ADAMTS12: variants seen among roughly 807,000 people sequenced by gnomAD.
ADAMTS12 encodes the protein A disintegrin and metalloproteinase with thrombospondin motifs 12.
In ADAMTS12, 118 loss-of-function variants were observed where a neutral mutation model predicts 167.8. The ratio of observed to expected loss-of-function variants is 0.70; its 90% CI spans 0.61 to 0.82. ADAMTS12 has a LOEUF of 0.82. Ranked by LOEUF, ADAMTS12 falls within the 40% of genes least tolerant of loss-of-function variation. ADAMTS12 has a pLI of 0.00. For synonymous variants in ADAMTS12, 704 were observed against 716.9 expected (o/e 0.98, Z 0.29); for missense variants, 1,916 against 1,998.8 (o/e 0.96, Z 0.79).
At chr5:33,772,535 T>C (rs1192812456) in intron 2 of ADAMTS12, among the ~76,000 whole-genome samples, 1 of 152,188 alleles carries the variant, frequency 6.6e-6, no homozygotes, top group East Asian at 1.9e-4. Flanking sequence ...GCAAAAATAA[T>C]TCCAGAATTA....
chr5:33,589,743 T>G (rs949873045), intron 17 of ADAMTS12, among the ~76,000 whole-genome samples: 8 of 152,240 alleles, frequency 5.3e-5, no homozygotes, highest in Admixed American at 2.0e-4. Context: ...CTATTTTTCA[T>G]GGGAAAATAG....
In ADAMTS12 at chr5:33,615,862, G is replaced by A. The variant is rs755141506; in HGVS notation, c.2354C>T (p.Ala785Val). 2 of 1,614,096 alleles carry A rather than the reference G, an allele frequency of 1.2e-6. No homozygotes were observed. Among genetic ancestry groups the A allele is most frequent in the East Asian group, 4.5e-5 (2 of 44,874 alleles). Residue 785 changes from alanine (A) to valine (V), a missense_variant, in exon 15 of 24, where the codon GCC becomes GTC. By Grantham distance (64) the Ala-to-Val change is moderately conservative. Coordinates refer to ENST00000504830, the MANE Select transcript of ADAMTS12 (RefSeq NM_030955.4). ...CACAGACTCATTGGTGGGACCTGTG[G>A]CCATCAGCTTTTCCAGGTCTCCTTT... Reference protein sequence around the residue: ...DRKGDLEKLMATGPTNESVWI... With the variant: ...DRKGDLEKLMVTGPTNESVWI...
At chr5:33,557,839 T>A (rs1007035231) in intron 20 of ADAMTS12, among the ~76,000 whole-genome samples, 4 of 152,134 alleles carry the variant, frequency 2.6e-5, no homozygotes, top group African/African-American at 9.7e-5. Context: ...TTGCTCACAT[T>A]ACTGCCTGAG....
At position 33,549,316 on chromosome 5, in the gene ADAMTS12, C is replaced by T. The variant is rs201216937; in HGVS notation, c.4193G>A (p.Arg1398Gln). 24 of 1,614,198 alleles carry T rather than the reference C, an allele frequency of 1.5e-5. No individual in the cohort carries two copies. The highest frequency in any genetic ancestry group is 1.3e-4 in the East Asian group (6 of 44,872). ...CTGGCAGTGAAATGGCCTCAGGTTCCGGTGGTCCCGGCTGTCCACGCACTG... is the reference window on the plus strand; with the variant it reads ...CTGGCAGTGAAATGGCCTCAGGTTCTGGTGGTCCCGGCTGTCCACGCACTG... ...EIQCVDSRDH[R>Q]NLRPFHCQFL... Residue 1398 changes from arginine to glutamine, a missense_variant, in exon 21 of 24, where the codon CGG (arginine) becomes CAG (glutamine). By Grantham distance (43) the Arg-to-Gln change is conservative. Transcript: ENST00000504830.
chr5:33,630,909 A>T lies in ADAMTS12; in HGVS notation c.1893T>A (p.His631Gln), dbSNP rs752102488. 6.2e-7 allele frequency: 1 copy of T among 1,612,926 alleles called. No homozygotes were observed. Among genetic ancestry groups the T allele is most frequent in the South Asian group, 1.1e-5 (1 of 90,990 alleles). Residue 631 changes from histidine to glutamine, a missense_variant, in exon 13 of 24, where the codon CAT becomes CAA. Transcript: ENST00000504830. ...TGGGTCGGCAGTAGAGCTCACAAGGATGTGCTGAAGGGAAAAAAGAAGGCA... is the reference window on the plus strand; with the variant it reads ...TGGGTCGGCAGTAGAGCTCACAAGGTTGTGCTGAAGGGAAAAAAGAAGGCA... ...YHWFPIFNPA[H>Q]PCELYCRPID...
intron 13 of ADAMTS12, among the ~76,000 whole-genome samples, chr5:33,628,664 G>A (rs779274005): frequency 3.3e-5 from 5 of 152,058 alleles, no homozygotes; most frequent in Non-Finnish European, 5.9e-5. Flanking sequence ...TGTAATACAT[G>A]CTCAATCCCC....
chr5:33,770,776 C>T (rs1745706561), intron 2 of ADAMTS12, among the ~76,000 whole-genome samples: 1 of 151,670 alleles, frequency 6.6e-6, no homozygotes, highest in South Asian at 2.1e-4. Context: ...CCTATCCTCC[C>T]TGCTTTCTTC....
chr5:33,864,991 A>T (rs745478111), intron 2 of ADAMTS12, among the ~76,000 whole-genome samples: 5 of 149,122 alleles, frequency 3.4e-5, no homozygotes, highest in East Asian at 4.0e-4. Flanking sequence ...AGTATTAAAT[A>T]AAAAAAAAAG....
chr5:33,761,760 T>C (rs1579914076), intron 2 of ADAMTS12, among the ~76,000 whole-genome samples: 1 of 152,194 alleles, frequency 6.6e-6, no homozygotes, highest in South Asian at 2.1e-4. Context: ...ATAAGGAGAA[T>C]AGGTCTGAGT....
intron 23 of ADAMTS12, among the ~76,000 whole-genome samples, chr5:33,527,973 T>C (rs1005309873): frequency 3.3e-5 from 5 of 151,492 alleles, no homozygotes; most frequent in African/African-American, 1.2e-4. Context: ...TGCATGTTTA[T>C]AGCAGCACAA....
At chr5:33,759,936 T>C (rs1406909906) in intron 2 of ADAMTS12, among the ~76,000 whole-genome samples, 1 of 152,164 alleles carries the variant, frequency 6.6e-6, no homozygotes, top group African/African-American at 2.4e-5. Flanking sequence ...AGGCGTCAGG[T>C]GACCCACTAG....
chr5:33,647,534 C>A (rs1373651897), intron 9 of ADAMTS12, among the ~76,000 whole-genome samples: 1 of 152,102 alleles, frequency 6.6e-6, no homozygotes, highest in Non-Finnish European at 1.5e-5. Flanking sequence ...AGTTCGAGAC[C>A]AGCCTGACCA....
At chr5:33,594,179 A>G (rs986461350) in intron 17 of ADAMTS12, among the ~76,000 whole-genome samples, 4 of 152,166 alleles carry the variant, frequency 2.6e-5, no homozygotes, top group Admixed American at 1.3e-4. Flanking sequence ...GCTAGTGAAT[A>G]AGTCTCATGA....
rs4866343 is a variant in ADAMTS12, at chr5:33,728,946, A to T, written c.634+22458T>A. Among the ~76,000 whole-genome samples, 603 of 152,348 alleles carry T rather than the reference A, an allele frequency of 4.0e-3. 11 individuals carry two copies. Among genetic ancestry groups the T allele is most frequent in the African/African-American group, 0.014 (583 of 41,582 alleles). On this transcript the variant is annotated intron_variant, in intron 3 of 23. Coordinates refer to ENST00000504830, the MANE Select transcript of ADAMTS12 (RefSeq NM_030955.4). ...TATGTGTATATGTACATGATATATC[A>T]TATGCATATATGTGTATATAAATGC...
intron 6 of ADAMTS12, among the ~76,000 whole-genome samples, chr5:33,660,590 G>A (rs1741223263): frequency 6.6e-6 from 1 of 152,136 alleles, no homozygotes; most frequent in South Asian, 2.1e-4. Flanking sequence ...ACAACTTAGT[G>A]GGCAATGCCA....
rs182857750 is a variant in ADAMTS12 at position 33,891,129 on chromosome 5, A to G, written c.127+601T>C. 2.0e-3 allele frequency among the ~76,000 whole-genome samples: 307 copies of G among 152,340 alleles called. 1 individual carries two copies. Among genetic ancestry groups the G allele is most frequent in the African/African-American group, 6.3e-3 (260 of 41,574 alleles). ...CAATAACATGAGTTCAGAAATTCAT[A>G]AAGAGAAGCAGCCAGCTGTGGTCAG... On this transcript the variant is annotated intron_variant, in intron 1 of 23. Transcript: ENST00000504830.
chr5:33,762,263 C>T (rs573631919), intron 2 of ADAMTS12, among the ~76,000 whole-genome samples: 79 of 152,142 alleles, frequency 5.2e-4, no homozygotes, highest in African/African-American at 1.9e-3. Flanking sequence ...AATCCCAGCA[C>T]TTTGGGAGGC....
At position 33,592,914 on chromosome 5, in the gene ADAMTS12, A is replaced by G. The variant is rs1417533583; in HGVS notation, c.2654+3020T>C. 2.6e-5 allele frequency among the ~76,000 whole-genome samples: 4 copies of G among 152,250 alleles called. No homozygotes were observed. The East Asian group carries it at 7.7e-4, about 29-fold the overall frequency. On this transcript the variant is annotated intron_variant, in intron 17 of 23. Transcript: ENST00000504830. ...AAGAAGATATTGCAGCTTGAAATTC[A>G]TATACAAGGAAACTAGTGAACTAAT...
chr5:33,674,183 T>C (rs1405094222), intron 5 of ADAMTS12, among the ~76,000 whole-genome samples: 2 of 152,140 alleles, frequency 1.3e-5, no homozygotes, highest in Admixed American at 1.3e-4. Context: ...GGAGAGAATA[T>C]ATCCATTAGG....
Sources: gnomAD v4.1 joint callset for allele counts (sites outside exome capture counted in the v4.1 genomes callset) on GRCh38, gnomAD v4.1.1 for gene constraint, MANE v1.5 for transcripts, NCBI Gene and HGNC (gene_info 2026-07-23, HGNC 2026-07-21) for gene names.